CEP112: variants seen among roughly 807,000 people sequenced by gnomAD.
CEP112 encodes the protein centrosomal protein 112, also known as centrosomal protein of 112 kDa.
A neutral mutation model predicts 153.0 loss-of-function variants in CEP112; 127 were observed. The ratio of observed to expected loss-of-function variants is 0.83; its 90% CI spans 0.72 to 0.96. The LOEUF is 0.96. CEP112 is among the 40% of genes least tolerant of loss of function. The pLI is 0.00. For synonymous variants in CEP112, 358 were observed against 374.4 expected (o/e 0.96, Z 0.51); for missense variants, 1,089 against 1,101.2 (o/e 0.99, Z 0.16).
At position 66,053,880 on chromosome 17, in the gene CEP112, C is replaced by T; in HGVS notation, c.1075-1G>A. 1 of 1,609,202 alleles carries T rather than the reference C, an allele frequency of 6.2e-7. No homozygotes were observed. Among genetic ancestry groups the T allele is most frequent in the Non-Finnish European group, 8.5e-7 (1 of 1,177,448 alleles). On this transcript the variant is annotated splice_acceptor_variant, in intron 11 of 26. Coordinates refer to ENST00000535342, the MANE Select transcript of CEP112 (RefSeq NM_001199165.4). LOFTEE classifies it high-confidence loss of function. Reference sequence around the variant, plus strand: ...CCATTTCTGCTACAGCATTGTGAAGCTACATCAGGAAATCAAGAGTTGACT... The same window carrying T: ...CCATTTCTGCTACAGCATTGTGAAGTTACATCAGGAAATCAAGAGTTGACT...
rs2066015245 is a variant in CEP112 at position 66,042,243 on chromosome 17, A to G, written c.1218+11493T>C. 5.3e-5 allele frequency among the ~76,000 whole-genome samples: 8 copies of G among 152,226 alleles called. No individual in the cohort carries two copies. The South Asian group carries it at 1.7e-3, about 32-fold the overall frequency. On this transcript the variant is annotated intron_variant, in intron 12 of 26. Coordinates refer to ENST00000535342, the MANE Select transcript of CEP112 (RefSeq NM_001199165.4). ...CACACACCTGTAATCCTAGCTACTCAGGAGGCTGAAGCAGGAGAATCACCT... is the reference window on the plus strand; with the variant it reads ...CACACACCTGTAATCCTAGCTACTCGGGAGGCTGAAGCAGGAGAATCACCT...
At chr17:65,974,844 C>T (rs1490273960) in intron 17 of CEP112, among the ~76,000 whole-genome samples, 5 of 151,984 alleles carry the variant, frequency 3.3e-5, no homozygotes, top group Non-Finnish European at 7.4e-5. Flanking sequence ...ACAGAAGTGG[C>T]TTGGAATGGC....
At chr17:65,743,908 CCCGT>C (rs2051283009) in intron 22 of CEP112, among the ~76,000 whole-genome samples, 2 of 151,232 alleles carry the variant, frequency 1.3e-5, no homozygotes, top group South Asian at 4.2e-4. Context: ...ATTACAGGTG[CCCGT>C]CACGATGCCC....
In CEP112 at chr17:65,927,706, T is replaced by C; in HGVS notation, c.1873-17A>G. ...TTTTTCCATCTATAAAATTTAAAAA[T>C]CAAATATTAATTTTTTAAACAAACA... On this transcript the variant is annotated splice_polypyrimidine_tract_variant and intron_variant, in intron 18 of 26. Coordinates refer to ENST00000535342, the MANE Select transcript of CEP112 (RefSeq NM_001199165.4). 3 of 1,446,350 alleles carry C rather than the reference T, an allele frequency of 2.1e-6. No individual in the cohort carries two copies. The highest frequency in any genetic ancestry group is 9.3e-7 in the Non-Finnish European group (1 of 1,070,628). 89.6% of individuals were successfully genotyped at this position (1,446,350 alleles called of 1,614,324 possible).
chr17:65,679,430 C>A (rs1245543061), intron 24 of CEP112, among the ~76,000 whole-genome samples: 1 of 152,112 alleles, frequency 6.6e-6, no homozygotes, highest in Non-Finnish European at 1.5e-5. Flanking sequence ...AATTACATTT[C>A]TGTTGCAATT....
At chr17:66,063,482 T>A (rs1200313909) in intron 10 of CEP112, among the ~76,000 whole-genome samples, 1 of 151,902 alleles carries the variant, frequency 6.6e-6, no homozygotes, top group Non-Finnish European at 1.5e-5. Context: ...TATAATGGAC[T>A]TTGGAGATTG....
intron 21 of CEP112, among the ~76,000 whole-genome samples, chr17:65,805,991 AT>A (rs563100747): frequency 3.9e-5 from 6 of 152,246 alleles, no homozygotes; most frequent in Non-Finnish European, 7.3e-5. Context: ...GCAGAAAAAA[AT>A]ATTTTATTAT....
At chr17:66,135,026 C>T (rs1432040221) in intron 4 of CEP112, among the ~76,000 whole-genome samples, 2 of 152,162 alleles carry the variant, frequency 1.3e-5, no homozygotes, top group Admixed American at 1.3e-4. Flanking sequence ...GTTTTGCTTA[C>T]AAAATCTACA....
At chr17:65,967,206 C>A (rs1291156561) in intron 17 of CEP112, among the ~76,000 whole-genome samples, 1 of 152,188 alleles carries the variant, frequency 6.6e-6, no homozygotes, top group African/African-American at 2.4e-5. Context: ...TCTTAAAAAA[C>A]CATGCCTGTT....
chr17:65,708,867 G>A (rs777431324), intron 23 of CEP112, among the ~76,000 whole-genome samples: 1 of 152,128 alleles, frequency 6.6e-6, no homozygotes, highest in Non-Finnish European at 1.5e-5. Context: ...AACCCCAGTG[G>A]GGTGGTCGTG....
At chr17:65,802,927 G>A (rs887358185) in intron 21 of CEP112, among the ~76,000 whole-genome samples, 1 of 152,206 alleles carries the variant, frequency 6.6e-6, no homozygotes, top group African/African-American at 2.4e-5. Flanking sequence ...TTGAATGTGG[G>A]AAGACCTTTA....
chr17:65,919,178 A>C (rs918368093), intron 19 of CEP112, among the ~76,000 whole-genome samples: 4 of 152,220 alleles, frequency 2.6e-5, no homozygotes, highest in Non-Finnish European at 5.9e-5. Context: ...TGTCTTCTTC[A>C]TGAGAACTTT....
At position 66,069,982 on chromosome 17, in the gene CEP112, AT is replaced by A; in HGVS notation, c.787del (p.Met263Ter). ...TTCTTCATGAAATTTAGCTTCCATC[AT>A]TTTTGTTTTCATGTCCAGCTTCAAG... is the stretch of plus-strand genomic sequence containing the variant. The part of the protein sequence containing the change: ...REKELDMKTK[M>X]MEAKFHEEKL... On this transcript the variant is annotated frameshift_variant, in exon 9 of 27. Coordinates refer to ENST00000535342, the MANE Select transcript of CEP112 (RefSeq NM_001199165.4). LOFTEE classifies it high-confidence loss of function. The A allele has an allele frequency of 6.2e-7, 1 of 1,605,572 alleles. No individual in the cohort carries two copies.
chr17:66,135,595 T>C (rs1014123681), intron 4 of CEP112, among the ~76,000 whole-genome samples: 7 of 152,158 alleles, frequency 4.6e-5, no homozygotes, highest in African/African-American at 1.4e-4. Flanking sequence ...TCAATTAATT[T>C]CAGGATGCCA....
chr17:65,930,136 G>A (rs2061070718), intron 18 of CEP112, among the ~76,000 whole-genome samples: 3 of 152,032 alleles, frequency 2.0e-5, no homozygotes, highest in Non-Finnish European at 2.9e-5. Context: ...CTGCTTCACT[G>A]GTATATGGAA....
At chr17:65,695,270 C>T (rs1427915004) in intron 23 of CEP112, among the ~76,000 whole-genome samples, 2 of 152,260 alleles carry the variant, frequency 1.3e-5, no homozygotes, top group African/African-American at 4.8e-5. Flanking sequence ...ATAATGAGAG[C>T]AAATTAAAGT....
At chr17:66,046,806 C>G (rs1006657697) in intron 12 of CEP112, among the ~76,000 whole-genome samples, 1 of 5,592 alleles carries the variant, frequency 1.8e-4, no homozygotes, top group Non-Finnish European at 5.1e-3. Context: ...AATGAAAATG[C>G]AAATGTTGAC....
At chr17:66,122,382 A>G (rs1385858828) in intron 6 of CEP112, among the ~76,000 whole-genome samples, 1 of 152,066 alleles carries the variant, frequency 6.6e-6, no homozygotes, top group African/African-American at 2.4e-5. Flanking sequence ...TTTCTTGAAA[A>G]TTGGACATTT....
At chr17:65,982,846 T>C (rs1386479200) in intron 17 of CEP112, among the ~76,000 whole-genome samples, 7 of 152,174 alleles carry the variant, frequency 4.6e-5, no homozygotes, top group African/African-American at 1.2e-4. Context: ...AAACTAACTA[T>C]GGTATATACA....
Sources: gnomAD v4.1 joint callset for allele counts (sites outside exome capture counted in the v4.1 genomes callset) on GRCh38, gnomAD v4.1.1 for gene constraint, MANE v1.5 for transcripts, NCBI Gene and HGNC (gene_info 2026-07-23, HGNC 2026-07-21) for gene names.